The following ATG5 variants were observed in gnomAD, a reference collection of about 807,000 sequenced individuals.
The protein encoded by ATG5 is autophagy related 5, also known as autophagy protein 5.
ATG5 carries 14 observed loss-of-function variants against 36.5 expected under a neutral mutation model. The ratio of observed to expected loss-of-function variants is 0.38; its 90% CI spans 0.25 to 0.60. The LOEUF (loss-of-function observed/expected upper bound fraction) is 0.60, where lower values mean the gene tolerates loss of function less well. Ranked by LOEUF, ATG5 falls within the 20% of genes least tolerant of loss-of-function variation. ATG5 has a pLI of 0.60. For missense variants in ATG5, 195 were observed against 326.7 expected, an observed-to-expected ratio of 0.60 and a Z score of 3.11; for synonymous variants, 95 against 101.5, an observed-to-expected ratio of 0.94 and a Z score of 0.38.
intron 7 of ATG5, among the ~76,000 whole-genome samples, chr6:106,195,112 C>A (rs1216357959): frequency 4.6e-5 from 7 of 152,160 alleles, no homozygotes; most frequent in Non-Finnish European, 1.0e-4. Context: ...AGTTACTCCA[C>A]AAGCAGCAGC....
intron 5 of ATG5, among the ~76,000 whole-genome samples, chr6:106,269,200 T>C (rs540239846): frequency 4.6e-5 from 7 of 152,190 alleles, no homozygotes; most frequent in South Asian, 2.1e-4. Flanking sequence ...AGAGTGTCGA[T>C]TGGTGCATTC....
At chr6:106,253,969 T>C (rs1456848094) in intron 5 of ATG5, among the ~76,000 whole-genome samples, 1 of 152,106 alleles carries the variant, frequency 6.6e-6, no homozygotes, top group Non-Finnish European at 1.5e-5. Flanking sequence ...CCAGGCCCAT[T>C]CCACCCCCTT....
At chr6:106,201,539 G>GA (rs1314894417) in intron 7 of ATG5, among the ~76,000 whole-genome samples, 4 of 152,070 alleles carry the variant, frequency 2.6e-5, no homozygotes, top group Non-Finnish European at 5.9e-5. Context: ...AAGGTTAACT[G>GA]AAAAAGTAGA....
rs1031757116 is a variant in ATG5 at position 106,206,521 on chromosome 6, G to A, written c.574-4432C>T. Among the ~76,000 whole-genome samples, 5 of 152,082 alleles carry A rather than the reference G, an allele frequency of 3.3e-5. No homozygotes were observed. In the East Asian group the frequency reaches 7.7e-4, roughly 23 times the overall value. ...GAAAATTAGCTGGGCATAGTTGTGG[G>A]CGCCTGTAATCCCAGCTACTCAGGA... On this transcript the variant is annotated intron_variant, in intron 6 of 7. Coordinates refer to ENST00000369076, the MANE Select transcript of ATG5 (RefSeq NM_004849.4).
chr6:106,262,809 G>C (rs904506737), intron 5 of ATG5, among the ~76,000 whole-genome samples: 5 of 152,178 alleles, frequency 3.3e-5, no homozygotes, highest in African/African-American at 4.8e-5. Flanking sequence ...TGTGCTACCC[G>C]GCTGGGTTAC....
At chr6:106,205,384 G>C (rs1432035438) in intron 6 of ATG5, among the ~76,000 whole-genome samples, 1 of 152,212 alleles carries the variant, frequency 6.6e-6, no homozygotes, top group Non-Finnish European at 1.5e-5. Flanking sequence ...TATGAAATGT[G>C]AGGTGGCTTT....
At chr6:106,311,748 T>C (rs573089043) in intron 2 of ATG5, among the ~76,000 whole-genome samples, 2 of 151,702 alleles carry the variant, frequency 1.3e-5, no homozygotes, top group African/African-American at 4.8e-5. Context: ...TTTGAAAAGA[T>C]CACTCCAACT....
intron 2 of ATG5, 24 bp from the exon 3 acceptor site, chr6:106,308,515 GTATT>G (rs774918635): frequency 1.1e-5 from 16 of 1,494,420 alleles, no homozygotes; most frequent in African/African-American, 4.3e-5. Flanking sequence ...TTGTAAAACC[GTATT>G]TATTTACTAG....
At chr6:106,300,327 A>T (rs1038485630) in intron 3 of ATG5, among the ~76,000 whole-genome samples, 14 of 152,204 alleles carry the variant, frequency 9.2e-5, no homozygotes, top group Admixed American at 9.2e-4. Flanking sequence ...ACTGGAAATA[A>T]GACAGAAGAA....
intron 7 of ATG5, among the ~76,000 whole-genome samples, chr6:106,193,790 T>C (rs1332304196): frequency 1.3e-5 from 2 of 152,212 alleles, no homozygotes; most frequent in African/African-American, 2.4e-5. Flanking sequence ...ATTTAAAATA[T>C]AGACAATAAT....
chr6:106,258,802 A>G (rs1778898994), intron 5 of ATG5, among the ~76,000 whole-genome samples: 1 of 152,236 alleles, frequency 6.6e-6, no homozygotes, highest in Admixed American at 6.5e-5. Flanking sequence ...ATATTATCAA[A>G]AATTCCAGGG....
intron 6 of ATG5, among the ~76,000 whole-genome samples, chr6:106,220,417 C>A (rs1777200220): frequency 6.6e-6 from 1 of 150,626 alleles, no homozygotes; most frequent in Non-Finnish European, 1.5e-5. Flanking sequence ...ACAGGCATCA[C>A]ACACAAGAAC....
At chr6:106,240,746 G>A (rs1778089177) in intron 6 of ATG5, among the ~76,000 whole-genome samples, 1 of 151,778 alleles carries the variant, frequency 6.6e-6, no homozygotes, top group South Asian at 2.1e-4. Flanking sequence ...AAATACATAT[G>A]CTTACTGTAG....
intron 6 of ATG5, among the ~76,000 whole-genome samples, chr6:106,232,536 G>A (rs752247579): frequency 8.6e-5 from 13 of 151,986 alleles, no homozygotes; most frequent in African/African-American, 2.4e-4. Context: ...AAGAATGCCC[G>A]TCCTGTTCAA....
intron 5 of ATG5, among the ~76,000 whole-genome samples, chr6:106,249,285 A>T (rs1215928683): frequency 6.6e-6 from 1 of 152,136 alleles, no homozygotes; most frequent in African/African-American, 2.4e-5. Context: ...CCCCTGAAAA[A>T]TCACTACTTT....
chr6:106,251,644 AGAGGGAGG>A (rs1341537601), intron 5 of ATG5, among the ~76,000 whole-genome samples: 2 of 258 alleles, frequency 7.8e-3, no homozygotes, highest in African/African-American at 0.034. Flanking sequence ...AGAGAGAGAG[AGAGGGAGG>A]GAGGGAGGAA....
At chr6:106,300,369 G>T (rs997264066) in intron 3 of ATG5, among the ~76,000 whole-genome samples, 1 of 152,108 alleles carries the variant, frequency 6.6e-6, no homozygotes, top group Admixed American at 6.5e-5. Context: ...AATGTTAAAT[G>T]TTTTTTAAAA....
At chr6:106,298,849 A>G (rs1039513055) in intron 3 of ATG5, among the ~76,000 whole-genome samples, 12 of 152,218 alleles carry the variant, frequency 7.9e-5, no homozygotes, top group African/African-American at 2.9e-4. Flanking sequence ...CAATCTATAA[A>G]AGAAAACAGA....
chr6:106,321,867 AT>A (rs1319270461), intron 1 of ATG5, among the ~76,000 whole-genome samples: 1 of 152,212 alleles, frequency 6.6e-6, no homozygotes, highest in Non-Finnish European at 1.5e-5. Context: ...TATCACCAAT[AT>A]TAGTACAGTT....
Sources: allele counts gnomAD v4.1 joint callset (sites outside exome capture counted in the v4.1 genomes callset), GRCh38; gene constraint gnomAD v4.1.1; transcripts MANE v1.5; gene names NCBI Gene and HGNC (gene_info 2026-07-23, HGNC 2026-07-21).